IL27: variants seen among roughly 807,000 people sequenced by gnomAD.
IL27 encodes interleukin 27, also known as interleukin-27 subunit alpha.
A neutral mutation model predicts 27.0 loss-of-function variants in IL27; 11 were observed. The ratio of observed to expected loss-of-function variants is 0.41; its 90% CI spans 0.26 to 0.67. The LOEUF is 0.67. Ranked by LOEUF, IL27 falls within the 30% of genes least tolerant of loss-of-function variation. The pLI is 0.34. For missense variants in IL27, 299 were observed against 310.4 expected, an observed-to-expected ratio of 0.96 and a Z score of 0.28; for synonymous variants, 134 against 140.6, an observed-to-expected ratio of 0.95 and a Z score of 0.33.
chr16:28,504,518 C>G (rs2046451139), intron 1 of IL27, among the ~76,000 whole-genome samples: 1 of 151,776 alleles, frequency 6.6e-6, no homozygotes, highest in Non-Finnish European at 1.5e-5. Context: ...CACGATGCAG[C>G]CAGCACGGCC....
At chr16:28,505,867 C>G (rs983587836) in intron 1 of IL27, among the ~76,000 whole-genome samples, 1 of 152,172 alleles carries the variant, frequency 6.6e-6, no homozygotes, top group Non-Finnish European at 1.5e-5. Context: ...GGGCTCTGCT[C>G]TTCGAAATGT....
chr16:28,502,157 G>A, intron 3 of IL27, 23 bp from the exon 4 acceptor site: 1 of 1,567,454 alleles, frequency 6.4e-7, no homozygotes, highest in East Asian at 2.4e-5. Context: ...GAGATGGTCA[G>A]GAAAGGTCCA....
rs497094 is a variant in IL27, at chr16:28,501,749, T to A, written c.462+227A>T. Among the ~76,000 whole-genome samples the A allele has an allele frequency of 6.6e-5, 5 of 75,298 alleles. No individual in the cohort carries two copies. The South Asian group carries it at 1.3e-3, about 19-fold the overall frequency. The allele number at this position is 75,298 out of a possible 152,430, so 49.4% of individuals were successfully genotyped here. On this transcript the variant is annotated intron_variant, in intron 4 of 4. Transcript: ENST00000356897. The stretch of plus-strand genomic sequence containing the variant: ...CACTCACAGACCCACACTCACACAC[T>A]CTCACAGTCACACTGTCACACTCAT...
intron 1 of IL27, among the ~76,000 whole-genome samples, chr16:28,505,870 C>T (rs2046458258): frequency 6.6e-6 from 1 of 152,146 alleles, no homozygotes; most frequent in African/African-American, 2.4e-5. Flanking sequence ...CTCTGCTCTT[C>T]GAAATGTCCC....
chr16:28,500,175 C>T lies in IL27; in HGVS notation c.463-255G>A, dbSNP rs1467546263. Among the ~76,000 whole-genome samples the T allele has an allele frequency of 2.6e-5, 4 of 152,312 alleles. No individual in the cohort carries two copies. In the South Asian group the frequency reaches 6.2e-4, roughly 24 times the overall value. On this transcript the variant is annotated intron_variant, in intron 4 of 4. Coordinates refer to ENST00000356897, the MANE Select transcript of IL27 (RefSeq NM_145659.3). ...GATCACCCCAAGGACTGCCCCGAGG[C>T]GTGGGGTTCAGGAAGTTTCTCTCTG...
chr16:28,506,274 A>C (rs1205244158), intron 1 of IL27, among the ~76,000 whole-genome samples: 3 of 151,916 alleles, frequency 2.0e-5, no homozygotes, highest in African/African-American at 7.3e-5. Context: ...TCCACTGCCT[A>C]CTGCTCTGGT....
rs2141735606 is a variant in IL27, at chr16:28,499,403, G to A, written c.*248C>T. ...ATTGGGCACCCAGCATGGGGGCTTG[G>A]CCCGAGGAGGACCATCGGGCCCCAA... On this transcript the variant is annotated 3_prime_UTR_variant, in exon 5 of 5. Coordinates refer to ENST00000356897, the MANE Select transcript of IL27 (RefSeq NM_145659.3). The A allele has an allele frequency of 4.1e-6, 2 of 486,588 alleles. No individual in the cohort carries two copies. Among genetic ancestry groups the A allele is most frequent in the Middle Eastern group, 5.6e-4 (1 of 1,786 alleles). 30.1% of individuals were successfully genotyped at this position (486,588 alleles called of 1,614,324 possible).
chr16:28,501,025 A>G (rs1405101602), intron 4 of IL27, among the ~76,000 whole-genome samples: 1 of 152,022 alleles, frequency 6.6e-6, no homozygotes, highest in Non-Finnish European at 1.5e-5. Context: ...TGGTGAAACT[A>G]AAAATACAAA....
intron 4 of IL27, among the ~76,000 whole-genome samples, chr16:28,501,627 ACT>A (rs1462164178): frequency 5.4e-5 from 8 of 148,414 alleles, no homozygotes; most frequent in African/African-American, 2.0e-4. Flanking sequence ...AGACCCACAC[ACT>A]CACTCTCACA....
In IL27 at chr16:28,501,518, G is replaced by A. The variant is rs181487800; in HGVS notation, c.462+458C>T. On this transcript the variant is annotated intron_variant, in intron 4 of 4. Transcript: ENST00000356897. The stretch of plus-strand genomic sequence containing the variant: ...CACACTCACAGTCACACTCACACAC[G>A]GACGCACATACACACAGTCATGCTC... Among the ~76,000 whole-genome samples the A allele has an allele frequency of 5.1e-3, 569 of 112,620 alleles. 3 individuals carry two copies. The highest frequency in any genetic ancestry group is 0.017 in the African/African-American group (505 of 28,976). The allele number at this position is 112,620 out of a possible 152,430, so 73.9% of individuals were successfully genotyped here.
chr16:28,501,389 TAC>T (rs1400726484), intron 4 of IL27, among the ~76,000 whole-genome samples: 4 of 146,966 alleles, frequency 2.7e-5, no homozygotes, highest in Non-Finnish European at 6.0e-5. Flanking sequence ...CTCATGGACC[TAC>T]ACACACACGG....
intron 4 of IL27, 74 bp from the exon 5 acceptor site, chr16:28,499,994 C>A: frequency 1.4e-6 from 2 of 1,454,230 alleles, no homozygotes; most frequent in Non-Finnish European, 1.8e-6. Context: ...CCTATTCATG[C>A]CCAGCGGTTC....
chr16:28,501,032 CA>C (rs1167645051), intron 4 of IL27, among the ~76,000 whole-genome samples: 1 of 151,890 alleles, frequency 6.6e-6, no homozygotes, highest in Non-Finnish European at 1.5e-5. Flanking sequence ...ACTAAAAATA[CA>C]AAAAAATTAG....
At position 28,501,983 on chromosome 16, in the gene IL27, C is replaced by T. The variant is rs186366663; in HGVS notation, c.455G>A (p.Arg152His). Residue 152 changes from arginine to histidine, a missense_variant, in exon 4 of 5, where the codon CGC becomes CAC. Physicochemically the swap from Arg to His is conservative, Grantham distance 29. Transcript: ENST00000356897. ...LDLRDLQRHL[R>H]FQVLAAGFNL... Reference sequence around the variant, plus strand: ...AGGGTGGCCGGGCTCTACCTGGAAGCGGAGGTGCCGCTGCAGATCGCGGAG... The same window carrying T: ...AGGGTGGCCGGGCTCTACCTGGAAGTGGAGGTGCCGCTGCAGATCGCGGAG... The T allele has an allele frequency of 3.1e-6, 5 of 1,604,572 alleles. No individual in the cohort carries two copies. The highest frequency in any genetic ancestry group is 2.2e-5 in the East Asian group (1 of 44,788).
In IL27 at chr16:28,499,932, G is replaced by A. The variant is rs146531211; in HGVS notation, c.463-12C>T. On this transcript the variant is annotated splice_polypyrimidine_tract_variant and intron_variant, in intron 4 of 4. Transcript: ENST00000356897. ...CCTGCAGCCAGCACCTGTGAGGAGA[G>A]GCCATGGGTCAGGGAGGGGCCAGGC... 5.3e-4 allele frequency: 823 copies of A among 1,538,654 alleles called. 9 individuals carry two copies. In the East Asian group the frequency reaches 0.018, roughly 33 times the overall value.
intron 1 of IL27, among the ~76,000 whole-genome samples, chr16:28,505,549 C>T (rs1335432123): frequency 1.3e-5 from 2 of 152,094 alleles, no homozygotes; most frequent in Non-Finnish European, 2.9e-5. Flanking sequence ...AACTCCTGAC[C>T]TCAGGTGATC....
At position 28,504,108 on chromosome 16, in the gene IL27, A is replaced by G. The variant is rs918977001; in HGVS notation, c.32-58T>C. 28 of 1,501,082 alleles carry G rather than the reference A, an allele frequency of 1.9e-5. No homozygotes were observed. The African/African-American group carries it at 3.1e-4, about 16-fold the overall frequency. The allele number at this position is 1,501,082 out of a possible 1,614,324, so 93.0% of individuals were successfully genotyped here. Reference sequence around the variant, plus strand: ...GAGAGAGCTTGAGAAGGAAGGGAACATGCCTTTTCTGAGCCTGTGCTAGCT... The same window carrying G: ...GAGAGAGCTTGAGAAGGAAGGGAACGTGCCTTTTCTGAGCCTGTGCTAGCT... On this transcript the variant is annotated intron_variant, in intron 1 of 4. Transcript: ENST00000356897.
At chr16:28,501,017 G>A (rs1301236453) in intron 4 of IL27, among the ~76,000 whole-genome samples, 1 of 151,982 alleles carries the variant, frequency 6.6e-6, no homozygotes, top group East Asian at 1.9e-4. Flanking sequence ...GGCCAACATG[G>A]TGAAACTAAA....
intron 3 of IL27, among the ~76,000 whole-genome samples, 191 bp downstream of exon 3, chr16:28,503,504 G>A (rs897689032): frequency 6.6e-6 from 1 of 152,042 alleles, no homozygotes; most frequent in Non-Finnish European, 1.5e-5. Flanking sequence ...CCTTCCACCT[G>A]GGCCTCCCAA....
Sources: allele counts gnomAD v4.1 joint callset (sites outside exome capture counted in the v4.1 genomes callset), GRCh38; gene constraint gnomAD v4.1.1; transcripts MANE v1.5; gene names NCBI Gene and HGNC (gene_info 2026-07-23, HGNC 2026-07-21).